DPP10: variants seen among roughly 807,000 people sequenced by gnomAD.
DPP10 encodes the protein dipeptidyl peptidase like 10.
A neutral mutation model predicts 120.9 loss-of-function variants in DPP10; 33 were observed. That is an observed-to-expected ratio of 0.27 (90% confidence interval 0.21 to 0.37). DPP10 has a LOEUF of 0.37. Among genes scored for constraint, DPP10 ranks in the 10% least tolerant of loss-of-function variants. The probability of loss-of-function intolerance (pLI) is 1.00; values close to 1 mark genes in which losing one functional copy is unlikely to be tolerated. For synonymous variants in DPP10, 337 were observed against 326.1 expected, an observed-to-expected ratio of 1.03 and a Z score of -0.36; for missense variants, 816 against 942.8, an observed-to-expected ratio of 0.87 and a Z score of 1.76.
intron 1 of DPP10, among the ~76,000 whole-genome samples, chr2:114,950,652 C>A (rs994649530): frequency 6.6e-6 from 1 of 151,814 alleles, no homozygotes; most frequent in Non-Finnish European, 1.5e-5. Context: ...TCTATCTTCA[C>A]AGTGTACTTA....
rs187547564 is a variant in DPP10 at position 114,930,687 on chromosome 2, C to G, written c.61-378552C>G. Among the ~76,000 whole-genome samples, 585 of 152,164 alleles carry G rather than the reference C, an allele frequency of 3.8e-3. 1 individual carries two copies. Among genetic ancestry groups the G allele is most frequent in the Middle Eastern group, 0.014 (4 of 294 alleles). ...AATAAATTTTTTAAAGTTTATTTAG[C>G]TTATAGTTTTGTAGGCTGTACAAGA... On this transcript the variant is annotated intron_variant, in intron 1 of 25. Coordinates refer to ENST00000410059, the MANE Select transcript of DPP10 (RefSeq NM_020868.6).
intron 1 of DPP10, among the ~76,000 whole-genome samples, chr2:114,597,636 G>T (rs1692026349): frequency 6.6e-6 from 1 of 151,858 alleles, no homozygotes; most frequent in South Asian, 2.1e-4. Context: ...ATGGAAATTT[G>T]GCTCTCCTCC....
At chr2:115,255,323 G>T (rs1056585077) in intron 1 of DPP10, among the ~76,000 whole-genome samples, 11 of 152,098 alleles carry the variant, frequency 7.2e-5, no homozygotes, top group Non-Finnish European at 1.6e-4. Context: ...GAGACAGAGC[G>T]CCGAGACCCT....
intron 1 of DPP10, among the ~76,000 whole-genome samples, chr2:114,725,299 T>C (rs1385115062): frequency 1.3e-5 from 2 of 152,202 alleles, no homozygotes; most frequent in Non-Finnish European, 2.9e-5. Context: ...TCACATTTTT[T>C]CCATGTTTTT....
At chr2:115,295,897 A>G (rs868495707) in intron 1 of DPP10, among the ~76,000 whole-genome samples, 1 of 152,142 alleles carries the variant, frequency 6.6e-6, no homozygotes, top group South Asian at 2.1e-4. Context: ...TTTACAATGA[A>G]TAGAATTCTT....
At chr2:115,058,469 G>A (rs181742671) in intron 1 of DPP10, among the ~76,000 whole-genome samples, 5 of 152,090 alleles carry the variant, frequency 3.3e-5, no homozygotes, top group African/African-American at 9.6e-5. Context: ...GCGCGATCTC[G>A]GTTCACTGCA....
intron 1 of DPP10, among the ~76,000 whole-genome samples, chr2:115,176,847 A>G (rs1024139406): frequency 6.6e-6 from 1 of 152,194 alleles, no homozygotes; most frequent in Non-Finnish European, 1.5e-5. Flanking sequence ...TCTGGAGTCC[A>G]TGCCCTTGTC....
intron 1 of DPP10, among the ~76,000 whole-genome samples, chr2:115,229,451 A>G (rs868770506): frequency 6.6e-6 from 1 of 152,104 alleles, no homozygotes; most frequent in Non-Finnish European, 1.5e-5. Context: ...ATCTTTGCCA[A>G]CTACAATGTC....
At chr2:115,736,526 A>G (rs1004501379) in intron 8 of DPP10, among the ~76,000 whole-genome samples, 1 of 152,000 alleles carries the variant, frequency 6.6e-6, no homozygotes, top group Non-Finnish European at 1.5e-5. Context: ...ATGTTTCTGT[A>G]AAGAGTAGTG....
At chr2:115,129,142 C>G (rs973185607) in intron 1 of DPP10, among the ~76,000 whole-genome samples, 1 of 152,176 alleles carries the variant, frequency 6.6e-6, no homozygotes, top group Non-Finnish European at 1.5e-5. Context: ...CTGTAGCTCT[C>G]CAGTGTGAAA....
chr2:115,102,450 G>A (rs61596281), intron 1 of DPP10, among the ~76,000 whole-genome samples: 31,279 of 151,782 alleles, frequency 0.21, 3,969 homozygotes, highest in East Asian at 0.36. Flanking sequence ...TCACTCTGTC[G>A]CCCAGTCTGG....
At chr2:114,823,001 C>G (rs185602065) in intron 1 of DPP10, among the ~76,000 whole-genome samples, 17 of 152,354 alleles carry the variant, frequency 1.1e-4, no homozygotes, top group African/African-American at 4.1e-4. Context: ...GTCCTCCAAA[C>G]TGTTCCACCC....
At chr2:115,304,189 A>G (rs989742125) in intron 1 of DPP10, among the ~76,000 whole-genome samples, 3 of 152,034 alleles carry the variant, frequency 2.0e-5, no homozygotes, top group Admixed American at 2.0e-4. Context: ...AACTGATGGA[A>G]GAGGAGACCC....
intron 3 of DPP10, among the ~76,000 whole-genome samples, chr2:115,403,381 C>CTTTTTTTTTT (rs78116780): frequency 1.0e-4 from 12 of 118,460 alleles, no homozygotes; most frequent in Middle Eastern, 4.1e-3. Context: ...TTCTTTCCTT[C>CTTTTTTTTTT]TTTTTTTTTT....
chr2:115,490,418 G>GTCCC (rs35721487), intron 3 of DPP10, among the ~76,000 whole-genome samples: 42,141 of 151,794 alleles, frequency 0.28, 6,539 homozygotes, highest in East Asian at 0.41. Context: ...CTCCTACCGG[G>GTCCC]TCCCCTGACA....
rs1012690638 is a variant in DPP10, at chr2:115,064,704, G to C, written c.61-244535G>C. 4.6e-6 allele frequency: 6 copies of C among 1,302,414 alleles called. No individual in the cohort carries two copies. In the African/African-American group the frequency reaches 7.6e-5, roughly 16 times the overall value. The allele number at this position is 1,302,414 out of a possible 1,614,324, so 80.7% of individuals were successfully genotyped here. On this transcript the variant is annotated intron_variant, in intron 1 of 25. Transcript: ENST00000410059. Reference sequence around the variant, plus strand: ...ATGCAAGGAACTGACATTGAAGTAAGATTCTGTGAGGGTGAGGTTGCATTT... The same window carrying C: ...ATGCAAGGAACTGACATTGAAGTAACATTCTGTGAGGGTGAGGTTGCATTT...
At chr2:114,785,351 G>C (rs1486331427) in intron 1 of DPP10, among the ~76,000 whole-genome samples, 2 of 151,778 alleles carry the variant, frequency 1.3e-5, no homozygotes, top group Admixed American at 6.6e-5. Context: ...CCCTCTGCCT[G>C]CTGTCACATA....
At chr2:114,905,986 T>C (rs1693927729) in intron 1 of DPP10, among the ~76,000 whole-genome samples, 1 of 152,226 alleles carries the variant, frequency 6.6e-6, no homozygotes, top group Non-Finnish European at 1.5e-5. Context: ...TAACTACACA[T>C]AGGATAATTT....
intron 5 of DPP10, among the ~76,000 whole-genome samples, chr2:115,601,161 G>T (rs2083297179): frequency 6.6e-6 from 1 of 152,156 alleles, no homozygotes; most frequent in African/African-American, 2.4e-5. Flanking sequence ...ATAGCGGATA[G>T]TCATTGTTCT....
Sources: allele counts gnomAD v4.1 joint callset (sites outside exome capture counted in the v4.1 genomes callset), GRCh38; gene constraint gnomAD v4.1.1; transcripts MANE v1.5; gene names NCBI Gene and HGNC (gene_info 2026-07-23, HGNC 2026-07-21).